ZNF676: variants seen among roughly 807,000 people sequenced by gnomAD.
ZNF676 encodes zinc finger protein 676.
A neutral mutation model predicts 6.0 loss-of-function variants in ZNF676; 4 were observed. The observed-to-expected ratio is 0.67, with a 90% CI of 0.33 to 1.53. ZNF676 has a LOEUF of 1.53. Among genes scored for constraint, ZNF676 ranks in the 40% most tolerant of loss-of-function variants. ZNF676 has a pLI of 0.06. For synonymous variants in ZNF676, 198 were observed against 223.1 expected, an observed-to-expected ratio of 0.89 and a Z score of 1.00; for missense variants, 644 against 679.7, an observed-to-expected ratio of 0.95 and a Z score of 0.58.
At chr19:22,232,233 T>C in the ZNF676 span, among the ~76,000 whole-genome samples, 1 of 151,936 alleles carries the variant, frequency 6.6e-6, no homozygotes, top group East Asian at 1.9e-4. Context: ...AGTGGTGTGA[T>C]CTTGGCTCAC....
chr19:22,198,369 G>T (rs910500441), upstream of ZNF676, among the ~76,000 whole-genome samples: 1 of 152,128 alleles, frequency 6.6e-6, no homozygotes, highest in African/African-American at 2.4e-5. Flanking sequence ...TTTGATTATT[G>T]TAAGAATTTT....
chr19:22,185,485 C>T (rs1253252063), intron 2 of ZNF676, among the ~76,000 whole-genome samples: 1 of 101,574 alleles, frequency 9.8e-6, no homozygotes, highest in South Asian at 5.6e-4. Context: ...CAACTCATCA[C>T]CAGCAAAAAA....
the ZNF676 span, among the ~76,000 whole-genome samples, chr19:22,254,354 T>G: frequency 2.0e-5 from 3 of 151,972 alleles, no homozygotes; most frequent in Non-Finnish European, 2.9e-5. Context: ...GTGGGCAGGA[T>G]GCAGGCAAAA....
chr19:22,219,988 T>A (rs2024231649), upstream of ZNF676, among the ~76,000 whole-genome samples: 1 of 152,186 alleles, frequency 6.6e-6, no homozygotes, highest in South Asian at 2.1e-4. Flanking sequence ...TTACAATATG[T>A]TCCCTCTATC....
the ZNF676 span, among the ~76,000 whole-genome samples, chr19:22,251,386 G>GT: frequency 6.6e-6 from 1 of 152,138 alleles, no homozygotes; most frequent in African/African-American, 2.4e-5. Context: ...CTCATTTGTT[G>GT]TTTTTGAGTA....
chr19:22,245,650 T>C, the ZNF676 span, among the ~76,000 whole-genome samples: 2 of 151,788 alleles, frequency 1.3e-5, no homozygotes, highest in African/African-American at 4.8e-5. Flanking sequence ...CTAGGTTCGG[T>C]GATATATCAC....
rs2024087142 is a variant in ZNF676 at position 22,207,491 on chromosome 19, A to T, written c.3+8141T>A. On this transcript the variant is annotated intron_variant, in intron 1 of 3. Coordinates refer to the ZNF676 transcript ENST00000650058. ...CACTTTATGCTCATGAATAAAAAAG[A>T]TCACTATCATAAAAATGGCCATACT... Among the ~76,000 whole-genome samples the T allele has an allele frequency of 2.0e-5, 3 of 152,232 alleles. No homozygotes were observed. The South Asian group carries it at 6.2e-4, about 31-fold the overall frequency.
the ZNF676 span, among the ~76,000 whole-genome samples, chr19:22,256,663 A>G: frequency 6.6e-6 from 1 of 152,112 alleles, no homozygotes; most frequent in Admixed American, 6.6e-5. Flanking sequence ...GAGTCCAGTG[A>G]TATGATACAA....
chr19:22,213,192 C>G (rs753595305), intron 1 of ZNF676, among the ~76,000 whole-genome samples: 4 of 152,130 alleles, frequency 2.6e-5, no homozygotes, highest in Non-Finnish European at 4.4e-5. Context: ...CCAGTGAGTG[C>G]CCCAGGTACA....
At chr19:22,249,364 G>A in the ZNF676 span, among the ~76,000 whole-genome samples, 1 of 152,168 alleles carries the variant, frequency 6.6e-6, no homozygotes, top group African/African-American at 2.4e-5. Context: ...AATTCTGTGT[G>A]TGAACATATT....
At chr19:22,182,234 G>A (rs1247320750) in intron 2 of ZNF676, among the ~76,000 whole-genome samples, 1 of 150,408 alleles carries the variant, frequency 6.6e-6, no homozygotes, top group Non-Finnish European at 1.5e-5. Context: ...GAAGATGTTT[G>A]AGAGACCCAC....
intron 1 of ZNF676, among the ~76,000 whole-genome samples, chr19:22,202,845 T>A (rs576919554): frequency 6.6e-6 from 1 of 152,324 alleles, no homozygotes; most frequent in South Asian, 2.1e-4. Flanking sequence ...TAGAGGTAGT[T>A]TTGCAACTTG....
At chr19:22,225,899 C>T in the ZNF676 span, among the ~76,000 whole-genome samples, 3 of 152,072 alleles carry the variant, frequency 2.0e-5, no homozygotes, top group Non-Finnish European at 2.9e-5. Flanking sequence ...GGCATTGTCA[C>T]TCTCTTGAAG....
At chr19:22,194,536 T>C (rs1271900103) in intron 1 of ZNF676, among the ~76,000 whole-genome samples, 1 of 152,088 alleles carries the variant, frequency 6.6e-6, no homozygotes, top group Non-Finnish European at 1.5e-5. Context: ...GTGGAAAAAC[T>C]GGACATTTCA....
intron 1 of ZNF676, among the ~76,000 whole-genome samples, chr19:22,213,835 C>T (rs549115700): frequency 6.6e-6 from 1 of 152,246 alleles, no homozygotes; most frequent in South Asian, 2.1e-4. Context: ...GGTTTTTCCC[C>T]AGACAGTACT....
At chr19:22,253,456 G>T in the ZNF676 span, among the ~76,000 whole-genome samples, 2 of 83,532 alleles carry the variant, frequency 2.4e-5, no homozygotes, top group East Asian at 4.3e-4. Context: ...ATATATATAT[G>T]ATAATGTGTG....
In ZNF676 at chr19:22,196,769, G is replaced by A. The variant is rs1163997413; in HGVS notation, c.-136C>T. ...ACACATATATTTACCAATTGGTCAT[G>A]GGCAGAACTTTTAATGTGACTCAAG... On this transcript the variant is annotated 5_prime_UTR_variant, in exon 1 of 3. Transcript: ENST00000397121. 2 of 1,528,886 alleles carry A rather than the reference G, an allele frequency of 1.3e-6. No homozygotes were observed. Among genetic ancestry groups the A allele is most frequent in the African/African-American group, 2.8e-5 (2 of 72,506 alleles). The allele number at this position is 1,528,886 out of a possible 1,614,324, so 94.7% of individuals were successfully genotyped here.
chr19:22,221,447 T>TA, the ZNF676 span, among the ~76,000 whole-genome samples: 9 of 152,190 alleles, frequency 5.9e-5, no homozygotes, highest in Non-Finnish European at 1.3e-4. Context: ...GATATAATTT[T>TA]AATATTCTTA....
upstream of ZNF676, among the ~76,000 whole-genome samples, chr19:22,218,441 C>G: frequency 6.6e-6 from 1 of 151,886 alleles, no homozygotes; most frequent in South Asian, 2.1e-4. Flanking sequence ...TCAAGCAATT[C>G]TCTGCCTCAG....
Sources: allele counts gnomAD v4.1 joint callset (sites outside exome capture counted in the v4.1 genomes callset), GRCh38; gene constraint gnomAD v4.1.1; transcripts MANE v1.5; gene names NCBI Gene and HGNC (gene_info 2026-07-23, HGNC 2026-07-21).